Variants in GRID1 observed in about 807,000 individuals in gnomAD.
GRID1 encodes glutamate receptor ionotropic, delta-1.
Under a neutral mutation model 98.0 loss-of-function variants are expected in GRID1, and 28 were observed. The observed-to-expected ratio is 0.29, with a 90% CI of 0.21 to 0.39. The LOEUF is 0.39. Ranked by LOEUF, GRID1 falls within the 10% of genes least tolerant of loss-of-function variation. GRID1 has a pLI of 1.00. For synonymous variants in GRID1, 553 were observed against 538.5 expected, an observed-to-expected ratio of 1.03 and a Z score of -0.37; for missense variants, 1,111 against 1,340.5, an observed-to-expected ratio of 0.83 and a Z score of 2.67.
chr10:86,124,130 G>A (rs1026853529), intron 4 of GRID1, among the ~76,000 whole-genome samples: 3 of 152,204 alleles, frequency 2.0e-5, no homozygotes, highest in African/African-American at 7.2e-5. Context: ...CTGTGTCCCT[G>A]AGCTGCTTCC....
At chr10:86,042,112 G>A (rs1344497490) in intron 4 of GRID1, among the ~76,000 whole-genome samples, 1 of 152,216 alleles carries the variant, frequency 6.6e-6, no homozygotes, top group African/African-American at 2.4e-5. Context: ...GGGGGAAACT[G>A]GGAGGGTCTC....
rs1339960132 is a variant in GRID1 at position 85,805,280 on chromosome 10, T to C, written c.1233+49216A>G. The stretch of plus-strand genomic sequence containing the variant: ...AACAGTGTACAAAACATAAACTACA[T>C]AATACTAAATTTAATAAGATATATG... On this transcript the variant is annotated intron_variant, in intron 8 of 15. Transcript: ENST00000327946. Among the ~76,000 whole-genome samples, 3 of 151,640 alleles carry C rather than the reference T, an allele frequency of 2.0e-5. No homozygotes were observed. The South Asian group carries it at 6.2e-4, about 31-fold the overall frequency.
chr10:86,336,083 G>A (rs1349452348), intron 2 of GRID1, among the ~76,000 whole-genome samples: 1 of 152,196 alleles, frequency 6.6e-6, no homozygotes, highest in African/African-American at 2.4e-5. Flanking sequence ...ACAGAAGGGC[G>A]GCAGGGGCTG....
At chr10:86,043,146 C>T (rs564948258) in intron 4 of GRID1, among the ~76,000 whole-genome samples, 87 of 152,240 alleles carry the variant, frequency 5.7e-4, no homozygotes, top group African/African-American at 2.0e-3. Context: ...TACATACCTT[C>T]GTACACACAA....
intron 8 of GRID1, among the ~76,000 whole-genome samples, chr10:85,808,811 TC>T (rs1371300556): frequency 6.6e-6 from 1 of 151,966 alleles, no homozygotes; most frequent in East Asian, 1.9e-4. Flanking sequence ...TCCCACAATG[TC>T]CAGGAAACGT....
At position 86,270,218 on chromosome 10, in the gene GRID1, T is replaced by A. The variant is rs910885267; in HGVS notation, c.236-63570A>T. 2.6e-5 allele frequency among the ~76,000 whole-genome samples: 4 copies of A among 152,202 alleles called. No individual in the cohort carries two copies. The South Asian group carries it at 8.3e-4, about 32-fold the overall frequency. ...GTGGCCTCCTTGAGGGCAGGGGCTA[T>A]GCATTGTTCCATTCAGTACCCACTG... is the stretch of plus-strand genomic sequence containing the variant. On this transcript the variant is annotated intron_variant, in intron 2 of 15. Coordinates refer to ENST00000327946, the MANE Select transcript of GRID1 (RefSeq NM_017551.3).
chr10:85,880,177 G>A (rs959487102), intron 5 of GRID1, among the ~76,000 whole-genome samples: 7 of 152,102 alleles, frequency 4.6e-5, no homozygotes, highest in East Asian at 3.9e-4. Context: ...ATTCACAGCC[G>A]AATTCCACCA....
chr10:86,047,740 C>T (rs1192267098), intron 4 of GRID1, among the ~76,000 whole-genome samples: 1 of 151,674 alleles, frequency 6.6e-6, no homozygotes, highest in East Asian at 1.9e-4. Context: ...GATGTGGTTT[C>T]TAGGGGGAAA....
chr10:86,206,403 G>A lies in GRID1; in HGVS notation c.481C>T (p.Arg161Cys), dbSNP rs1282622742. The change falls in exon 3 of 16, where the codon CGC becomes TGC. Residue 161 changes from arginine to cysteine, a missense_variant. Arg to Cys is a radical substitution (Grantham distance 180). Coordinates refer to ENST00000327946, the MANE Select transcript of GRID1 (RefSeq NM_017551.3). The surrounding 1 kb of genome is among the most constrained non-coding windows in gnomAD (Gnocchi z 4.1). ...DVMLRLVTEL[R>C]WQKFVMFYDS... is the part of the protein sequence containing the mutation. ...TAGAACATGACGAACTTCTGCCAGC[G>A]CAGCTCCGTCACCAGCCTGAGCATG... 3.7e-6 allele frequency: 6 copies of A among 1,609,898 alleles called. No individual in the cohort carries two copies. The highest frequency in any genetic ancestry group is 1.1e-5 in the South Asian group (1 of 90,960).
chr10:86,320,954 G>T (rs1847962183), intron 2 of GRID1, among the ~76,000 whole-genome samples: 1 of 151,994 alleles, frequency 6.6e-6, no homozygotes, highest in Non-Finnish European at 1.5e-5. Context: ...CAAAAAATTG[G>T]CTGGGCGTGG....
intron 2 of GRID1, among the ~76,000 whole-genome samples, chr10:86,340,286 A>C (rs1377884109): frequency 1.3e-5 from 2 of 152,252 alleles, no homozygotes; most frequent in Non-Finnish European, 2.9e-5. Context: ...AAAGTCAGTC[A>C]GCAACTCCAG....
intron 5 of GRID1, among the ~76,000 whole-genome samples, chr10:85,903,015 C>T (rs944375669): frequency 1.3e-5 from 2 of 152,098 alleles, no homozygotes; most frequent in South Asian, 2.1e-4. Context: ...TGGGCCTCTT[C>T]GCATTTTTAG....
intron 4 of GRID1, among the ~76,000 whole-genome samples, chr10:85,919,509 GT>G (rs1396384801): frequency 1.3e-5 from 2 of 152,116 alleles, no homozygotes; most frequent in Non-Finnish European, 2.9e-5. Context: ...GCCTCCCCCT[GT>G]CCCCCATCAA....
At chr10:85,812,878 G>A (rs948040725) in intron 8 of GRID1, among the ~76,000 whole-genome samples, 11 of 151,694 alleles carry the variant, frequency 7.3e-5, no homozygotes, top group Admixed American at 6.6e-4. Context: ...ACACACATAT[G>A]TGTGTATATA....
intron 12 of GRID1, chr10:85,708,988 G>T (rs1234289955): frequency 4.1e-6 from 1 of 246,240 alleles, no homozygotes; most frequent in Non-Finnish European, 8.5e-6. Context: ...CAACTTGAGA[G>T]ATTTGAATAG....
intron 4 of GRID1, among the ~76,000 whole-genome samples, chr10:86,010,881 A>C (rs1388787921): frequency 6.6e-6 from 1 of 152,136 alleles, no homozygotes; most frequent in African/African-American, 2.4e-5. Flanking sequence ...GTGTAGAAAA[A>C]AATAAGGCAG....
chr10:86,222,591 T>C (rs559069540), intron 2 of GRID1, among the ~76,000 whole-genome samples: 2 of 152,140 alleles, frequency 1.3e-5, no homozygotes, highest in Non-Finnish European at 2.9e-5. Context: ...GAGGGGCCTC[T>C]GAAAGACGCA....
intron 9 of GRID1, among the ~76,000 whole-genome samples, chr10:85,728,989 C>T (rs1653899499): frequency 6.6e-6 from 1 of 152,142 alleles, no homozygotes; most frequent in Non-Finnish European, 1.5e-5. Flanking sequence ...AAGGAAGATG[C>T]TTTTAAAGTC....
intron 8 of GRID1, among the ~76,000 whole-genome samples, chr10:85,832,816 C>T (rs542250928): frequency 1.3e-5 from 2 of 152,126 alleles, no homozygotes; most frequent in Non-Finnish European, 2.9e-5. Context: ...CTTCTCCCAG[C>T]CAGACCAGAC....
Sources: allele counts gnomAD v4.1 joint callset (sites outside exome capture counted in the v4.1 genomes callset), GRCh38; gene constraint gnomAD v4.1.1; non-coding constraint Gnocchi (gnomAD v3.1); transcripts MANE v1.5; gene names NCBI Gene and HGNC (gene_info 2026-07-23, HGNC 2026-07-21).